The following MACROD2 variants were observed in gnomAD, a reference collection of about 807,000 sequenced individuals.
MACROD2 encodes the protein ADP-ribose glycohydrolase MACROD2.
A neutral mutation model predicts 70.4 loss-of-function variants in MACROD2; 36 were observed. The ratio of observed to expected loss-of-function variants is 0.51; its 90% CI spans 0.39 to 0.68. MACROD2 has a LOEUF of 0.68. Among genes scored for constraint, MACROD2 ranks in the 30% least tolerant of loss-of-function variants. The pLI is 0.00. For synonymous variants in MACROD2, 172 were observed against 178.8 expected (o/e 0.96, Z 0.30); for missense variants, 496 against 538.4 (o/e 0.92, Z 0.78).
intron 9 of MACROD2, among the ~76,000 whole-genome samples, chr20:15,885,324 G>C (rs926793632): frequency 1.3e-5 from 2 of 152,090 alleles, no homozygotes; most frequent in African/African-American, 4.8e-5. Flanking sequence ...GGTGTGGTGC[G>C]GGGATTTGAC....
At chr20:15,920,936 G>T (rs1336945041) in intron 10 of MACROD2, among the ~76,000 whole-genome samples, 1 of 152,148 alleles carries the variant, frequency 6.6e-6, no homozygotes, top group Non-Finnish European at 1.5e-5. Context: ...AAGCCAGTTG[G>T]TTCAATCTCT....
chr20:15,251,619 G>A (rs1163222619), intron 6 of MACROD2, among the ~76,000 whole-genome samples: 2 of 152,092 alleles, frequency 1.3e-5, no homozygotes, highest in Non-Finnish European at 2.9e-5. Flanking sequence ...TGTTCTCAAT[G>A]ATATTTTATT....
chr20:14,187,159 A>G (rs1221067226), intron 3 of MACROD2, among the ~76,000 whole-genome samples: 1 of 150,026 alleles, frequency 6.7e-6, no homozygotes, highest in Non-Finnish European at 1.5e-5. Flanking sequence ...AAAAAAAAAG[A>G]AATGTGGTAG....
chr20:15,281,663 G>A (rs959443501), intron 6 of MACROD2, among the ~76,000 whole-genome samples: 10 of 152,212 alleles, frequency 6.6e-5, no homozygotes, highest in African/African-American at 2.2e-4. Flanking sequence ...CTATGCCTTT[G>A]CAGGGTACAG....
At chr20:14,281,933 C>CAAAAAAAAAAAAAAAAAAAA (rs571115190) in intron 3 of MACROD2, among the ~76,000 whole-genome samples, 1 of 96,576 alleles carries the variant, frequency 1.0e-5, no homozygotes, top group Non-Finnish European at 1.9e-5. Context: ...GACTCCCTCT[C>CAAAAAAAAAAAAAAAAAAAA]AAAAAAAAAA....
intron 6 of MACROD2, among the ~76,000 whole-genome samples, chr20:15,260,709 T>C (rs1601315921): frequency 6.6e-6 from 1 of 151,988 alleles, no homozygotes; most frequent in African/African-American, 2.4e-5. Flanking sequence ...ATAGTGGCTG[T>C]ACCAGCTTAC....
At chr20:15,808,860 C>T (rs1004347281) in intron 8 of MACROD2, among the ~76,000 whole-genome samples, 1 of 152,148 alleles carries the variant, frequency 6.6e-6, no homozygotes, top group Non-Finnish European at 1.5e-5. Flanking sequence ...TTGGTGAGAA[C>T]AGAGTCGTTG....
rs1568657341 is a variant in MACROD2 at position 15,233,979 on chromosome 20, T to TATATATA, written c.540+3918_540+3919insATATATA. 2.5e-4 allele frequency among the ~76,000 whole-genome samples: 12 copies of TATATATA among 48,976 alleles called. 1 individual carries two copies. Among genetic ancestry groups the TATATATA allele is most frequent in the African/African-American group, 7.2e-4 (8 of 11,090 alleles). The allele number at this position is 48,976 out of a possible 152,430, so 32.1% of individuals were successfully genotyped here. A position where few individuals can be genotyped will look rare whatever the true frequency, so the allele number is the denominator to read the frequency against. The stretch of plus-strand genomic sequence containing the variant: ...CCAAAAAATTTATTTTTATATATAT[T>TATATATA]TATTTATATATATATATATATATAT... On this transcript the variant is annotated intron_variant, in intron 6 of 17. Transcript: ENST00000684519.
intron 5 of MACROD2, among the ~76,000 whole-genome samples, chr20:14,902,149 C>T (rs1219315741): frequency 6.6e-6 from 1 of 152,108 alleles, no homozygotes; most frequent in Non-Finnish European, 1.5e-5. Context: ...TTTGTAAATG[C>T]AAAACATTAA....
chr20:14,375,738 A>G (rs1183502914), intron 3 of MACROD2, among the ~76,000 whole-genome samples: 8 of 152,322 alleles, frequency 5.3e-5, no homozygotes, highest in South Asian at 2.1e-4. Flanking sequence ...GTTCAATTCA[A>G]TGGAAATCAC....
At chr20:14,117,248 A>G (rs2054528307) in intron 3 of MACROD2, among the ~76,000 whole-genome samples, 1 of 152,136 alleles carries the variant, frequency 6.6e-6, no homozygotes, top group Non-Finnish European at 1.5e-5. Context: ...GTTGACTCTT[A>G]TGATCCTTGT....
intron 3 of MACROD2, among the ~76,000 whole-genome samples, chr20:14,378,241 G>C (rs747281335): frequency 6.6e-6 from 1 of 152,144 alleles, no homozygotes; most frequent in Non-Finnish European, 1.5e-5. Flanking sequence ...AATATGGTGA[G>C]TGCTAAGGTG....
intron 3 of MACROD2, among the ~76,000 whole-genome samples, chr20:14,266,198 T>C (rs561231909): frequency 6.6e-6 from 1 of 152,318 alleles, no homozygotes; most frequent in African/African-American, 2.4e-5. Context: ...TAGGCCTAAC[T>C]CTTTTGTTAA....
At position 15,903,154 on chromosome 20, in the gene MACROD2, T is replaced by C. The variant is rs375033501; in HGVS notation, c.775+17343T>C. On this transcript the variant is annotated intron_variant, in intron 10 of 17. Coordinates refer to ENST00000684519, the MANE Select transcript of MACROD2 (RefSeq NM_001351661.2). Reference sequence around the variant, plus strand: ...CCTTTGAGAGGCCGAGGCGGGCAGATCACTCGAGGTCAGGAGTTCGAGGCT... The same window carrying C: ...CCTTTGAGAGGCCGAGGCGGGCAGACCACTCGAGGTCAGGAGTTCGAGGCT... Among the ~76,000 whole-genome samples the C allele has an allele frequency of 6.6e-5, 10 of 152,142 alleles. No individual in the cohort carries two copies. The East Asian group carries it at 1.7e-3, about 27-fold the overall frequency.
intron 8 of MACROD2, among the ~76,000 whole-genome samples, chr20:15,793,453 A>G (rs1363670057): frequency 1.3e-5 from 2 of 152,154 alleles, no homozygotes; most frequent in Non-Finnish European, 2.9e-5. Context: ...GAAATAGTAT[A>G]TGTATTTCTT....
intron 5 of MACROD2, among the ~76,000 whole-genome samples, chr20:14,810,745 G>A (rs2072699706): frequency 6.6e-6 from 1 of 152,052 alleles, no homozygotes; most frequent in East Asian, 1.9e-4. Flanking sequence ...CAAAGTCTCA[G>A]GATACAAAAT....
At chr20:14,659,663 G>A (rs534944496) in intron 4 of MACROD2, among the ~76,000 whole-genome samples, 19 of 152,230 alleles carry the variant, frequency 1.2e-4, no homozygotes, top group African/African-American at 2.6e-4. Context: ...GGGAAAAAGC[G>A]CCTGGTGAAC....
chr20:14,936,241 G>A (rs911260725), intron 5 of MACROD2, among the ~76,000 whole-genome samples: 1 of 152,178 alleles, frequency 6.6e-6, no homozygotes, highest in African/African-American at 2.4e-5. Flanking sequence ...AGCCAGCCTT[G>A]CAGAGATCTG....
At chr20:14,032,763 C>G (rs186145750) in intron 2 of MACROD2, among the ~76,000 whole-genome samples, 3 of 152,298 alleles carry the variant, frequency 2.0e-5, no homozygotes, top group Admixed American at 6.5e-5. Context: ...AGCTCTGCCA[C>G]TTCTTTGGGA....
Sources: allele counts gnomAD v4.1 joint callset (sites outside exome capture counted in the v4.1 genomes callset), GRCh38; gene constraint gnomAD v4.1.1; transcripts MANE v1.5; gene names NCBI Gene and HGNC (gene_info 2026-07-23, HGNC 2026-07-21).